The following STAC variants were observed in gnomAD, a reference collection of about 807,000 sequenced individuals.
STAC encodes SH3 and cysteine rich domain.
Under a neutral mutation model 48.8 loss-of-function variants are expected in STAC, and 43 were observed. The ratio of observed to expected loss-of-function variants is 0.88; its 90% CI spans 0.69 to 1.14. The LOEUF is 1.14. Ranked by LOEUF, STAC falls within the 50% of genes most tolerant of loss-of-function variation. STAC has a pLI of 0.00. For synonymous variants in STAC, 193 were observed against 179.5 expected (o/e 1.07, Z -0.60); for missense variants, 497 against 504.0 (o/e 0.99, Z 0.13).
At chr3:36,504,522 T>A (rs1453407421) in intron 7 of STAC, 65 bp downstream of exon 7, 1 of 1,411,848 alleles carries the variant, frequency 7.1e-7, no homozygotes, top group African/African-American at 1.4e-5. Flanking sequence ...CAGGTCACCA[T>A]CCAAGTGGGT....
intron 7 of STAC, 89 bp from the exon 8 acceptor site, chr3:36,505,657 A>G: frequency 1.2e-6 from 1 of 836,578 alleles, no homozygotes; most frequent in Non-Finnish European, 1.9e-6. Context: ...ATTACATTGC[A>G]ATGACTTCTC....
At chr3:36,517,686 A>G (rs1360371110) in intron 8 of STAC, among the ~76,000 whole-genome samples, 1 of 152,170 alleles carries the variant, frequency 6.6e-6, no homozygotes, top group East Asian at 1.9e-4. Flanking sequence ...TTAATTAATG[A>G]AAATAGAATA....
chr3:36,443,655 C>A lies in STAC; in HGVS notation c.388+15C>A, dbSNP rs1559493424. 1 of 1,605,422 alleles carries A rather than the reference C, an allele frequency of 6.2e-7. No homozygotes were observed. On this transcript the variant is annotated intron_variant, in intron 2 of 10. Transcript: ENST00000273183. This position sits in a 1 kb window ranked among gnomAD's most constrained non-coding sequence, Gnocchi z 4.2. Reference sequence around the variant, plus strand: ...CATGATAGTGGGTAAGGCCTCCCACCCCTTTCTCCAGATCCCAGCACCCCC... The same window carrying A: ...CATGATAGTGGGTAAGGCCTCCCACACCTTTCTCCAGATCCCAGCACCCCC...
intron 1 of STAC, among the ~76,000 whole-genome samples, chr3:36,418,175 C>T (rs1431893485): frequency 6.6e-6 from 1 of 151,664 alleles, no homozygotes; most frequent in African/African-American, 2.4e-5. Flanking sequence ...TTAGGCCTTC[C>T]TTTGTTTTTC....
chr3:36,492,276 G>A (rs2125706233), intron 5 of STAC, among the ~76,000 whole-genome samples: 1 of 151,876 alleles, frequency 6.6e-6, no homozygotes, highest in African/African-American at 2.4e-5. Flanking sequence ...CATGCCACCA[G>A]TGTGATAACC....
chr3:36,415,262 C>T (rs1393384289), intron 1 of STAC, among the ~76,000 whole-genome samples: 2 of 152,204 alleles, frequency 1.3e-5, no homozygotes, highest in Non-Finnish European at 2.9e-5. Context: ...GCCCTGCCCC[C>T]AGAGGTGGAG....
rs1027771451 is a variant in STAC, at chr3:36,503,305, G to A, written c.767-1088G>A. Among the ~76,000 whole-genome samples the A allele has an allele frequency of 5.3e-5, 8 of 152,248 alleles. No individual in the cohort carries two copies. The East Asian group carries it at 1.5e-3, about 29-fold the overall frequency. On this transcript the variant is annotated intron_variant, in intron 6 of 10. Coordinates refer to ENST00000273183, the MANE Select transcript of STAC (RefSeq NM_003149.3). ...ATGATAAAGCTATGACATAAGTTATGGATGTAGGTTAGGCTGACCAAACTA... is the reference window on the plus strand; with the variant it reads ...ATGATAAAGCTATGACATAAGTTATAGATGTAGGTTAGGCTGACCAAACTA...
At chr3:36,406,507 A>G (rs1437296715) in intron 1 of STAC, among the ~76,000 whole-genome samples, 1 of 152,136 alleles carries the variant, frequency 6.6e-6, no homozygotes, top group East Asian at 1.9e-4. Context: ...GCAGCCAACA[A>G]TGCTTCAACA....
At position 36,526,550 on chromosome 3, in the gene STAC, G is replaced by A. The variant is rs1698940403; in HGVS notation, c.921-2146G>A. On this transcript the variant is annotated intron_variant, in intron 8 of 10. Transcript: ENST00000273183. ...ACCCCAGTCACCTCAGCAAAAGCCA[G>A]CCAACACCCAGGCCTGTGAGTGAGC... Among the ~76,000 whole-genome samples the A allele has an allele frequency of 3.3e-5, 5 of 152,186 alleles. No individual in the cohort carries two copies. The South Asian group carries it at 1.0e-3, about 32-fold the overall frequency.
chr3:36,412,617 A>G (rs544746988), intron 1 of STAC, among the ~76,000 whole-genome samples: 44 of 152,344 alleles, frequency 2.9e-4, no homozygotes, highest in Non-Finnish European at 5.1e-4. Flanking sequence ...TTTCACATTT[A>G]GATTTTTAAT....
intron 8 of STAC, among the ~76,000 whole-genome samples, chr3:36,517,225 A>G (rs985354074): frequency 6.6e-6 from 1 of 152,194 alleles, no homozygotes; most frequent in African/African-American, 2.4e-5. Flanking sequence ...GGTATAGTGG[A>G]TAATCTCCTG....
At chr3:36,515,174 A>G (rs550795743) in intron 8 of STAC, among the ~76,000 whole-genome samples, 7 of 152,090 alleles carry the variant, frequency 4.6e-5, no homozygotes, top group Non-Finnish European at 1.0e-4. Flanking sequence ...TTATTCATCA[A>G]GAAGAAATTG....
intron 2 of STAC, among the ~76,000 whole-genome samples, chr3:36,459,716 T>C (rs537078311): frequency 7.9e-5 from 12 of 152,322 alleles, no homozygotes; most frequent in South Asian, 2.1e-4. Flanking sequence ...CAAATTATGA[T>C]AGATCAAAGA....
At position 36,546,531 on chromosome 3, in the gene STAC, C is replaced by T. The variant is rs1040485305; in HGVS notation, c.*242C>T. 1.8e-5 allele frequency: 10 copies of T among 553,936 alleles called. No individual in the cohort carries two copies. In the East Asian group the frequency reaches 2.0e-4, roughly 11 times the overall value. The allele number at this position is 553,936 out of a possible 1,614,324, so 34.3% of individuals were successfully genotyped here. A position where few individuals can be genotyped will look rare whatever the true frequency, so the allele number is the denominator to read the frequency against. ...GAGAGTCAGCAGGCAGAGCCAGATG[C>T]CATGCTTGGCAGCAGCAGTAGGACT... On this transcript the variant is annotated 3_prime_UTR_variant, in exon 11 of 11. Transcript: ENST00000273183.
chr3:36,539,364 C>A (rs554695841), intron 10 of STAC, among the ~76,000 whole-genome samples: 1 of 152,148 alleles, frequency 6.6e-6, no homozygotes, highest in East Asian at 1.9e-4. Context: ...CCACCCTTCA[C>A]CCCCTAAAAG....
intron 10 of STAC, among the ~76,000 whole-genome samples, chr3:36,541,771 G>A (rs1046723838): frequency 1.3e-5 from 2 of 152,154 alleles, no homozygotes; most frequent in African/African-American, 4.8e-5. Context: ...CCATAGCTGA[G>A]CTACATGGTT....
chr3:36,542,291 T>A (rs956753187), intron 10 of STAC, among the ~76,000 whole-genome samples: 1 of 152,220 alleles, frequency 6.6e-6, no homozygotes, highest in Non-Finnish European at 1.5e-5. Flanking sequence ...ATTGATCCCA[T>A]TCTCCTTGTC....
At chr3:36,493,418 C>T (rs985561896) in intron 6 of STAC, among the ~76,000 whole-genome samples, 189 bp downstream of exon 6, 3 of 151,944 alleles carry the variant, frequency 2.0e-5, no homozygotes, top group Non-Finnish European at 4.4e-5. Context: ...CTAATATGTT[C>T]CTGAGTTCTA....
intron 7 of STAC, 77 bp downstream of exon 7, chr3:36,504,534 A>G (rs1698353633): frequency 7.9e-7 from 1 of 1,268,012 alleles, no homozygotes; most frequent in East Asian, 2.3e-5. Flanking sequence ...CAAGTGGGTC[A>G]TGAAATCAAT....
Sources: gnomAD v4.1 joint callset for allele counts (sites outside exome capture counted in the v4.1 genomes callset) on GRCh38, gnomAD v4.1.1 for gene constraint, Gnocchi (gnomAD v3.1) non-coding constraint, MANE v1.5 for transcripts, NCBI Gene and HGNC (gene_info 2026-07-23, HGNC 2026-07-21) for gene names.